SCGN: variants seen among roughly 807,000 people sequenced by gnomAD.
SCGN encodes the protein secretagogin, EF-hand calcium binding protein.
A neutral mutation model predicts 39.7 loss-of-function variants in SCGN; 30 were observed. The observed-to-expected ratio is 0.76, with a 90% CI of 0.57 to 1.03. The LOEUF is 1.03. Ranked by LOEUF, SCGN falls within the 50% of genes least tolerant of loss-of-function variation. The pLI is 0.00. For synonymous variants in SCGN, 106 were observed against 114.1 expected (o/e 0.93, Z 0.45); for missense variants, 353 against 349.4 (o/e 1.01, Z -0.08).
intron 4 of SCGN, 51 bp downstream of exon 4, chr6:25,665,083 C>T (rs756647471): frequency 1.0e-5 from 14 of 1,399,692 alleles, no homozygotes; most frequent in Middle Eastern, 1.8e-4. Context: ...GACAAGGCTA[C>T]GATCTTAGCC....
At chr6:25,686,416 T>TA (rs1759705322) in intron 7 of SCGN, among the ~76,000 whole-genome samples, 1 of 152,196 alleles carries the variant, frequency 6.6e-6, no homozygotes, top group African/African-American at 2.4e-5. Context: ...ATAATCATCC[T>TA]AGTGGGTGTG....
At chr6:25,677,535 T>C in intron 6 of SCGN, among the ~76,000 whole-genome samples, 1 of 152,148 alleles carries the variant, frequency 6.6e-6, no homozygotes, top group East Asian at 1.9e-4. Flanking sequence ...AAAGTTTTTT[T>C]AAAAAAATAA....
intron 10 of SCGN, among the ~76,000 whole-genome samples, chr6:25,699,126 C>T (rs748030853): frequency 6.6e-6 from 1 of 152,088 alleles, no homozygotes; most frequent in African/African-American, 2.4e-5. Flanking sequence ...ACCTGCGGGT[C>T]GCTGCCTTCT....
At chr6:25,680,861 A>G (rs1759628978) in intron 6 of SCGN, among the ~76,000 whole-genome samples, 2 of 152,360 alleles carry the variant, frequency 1.3e-5, no homozygotes, top group South Asian at 4.1e-4. Flanking sequence ...ATTCATTTGA[A>G]ATATTAAAAA....
rs1467378228 is a variant in SCGN at position 25,669,921 on chromosome 6, C to G, written c.394-78C>G. 1.1e-5 allele frequency: 13 copies of G among 1,150,220 alleles called. No individual in the cohort carries two copies. In the East Asian group the frequency reaches 2.8e-4, roughly 25 times the overall value. 71.3% of individuals were successfully genotyped at this position (1,150,220 alleles called of 1,614,324 possible). ...TCCTGGAAACAAGCAACTCACAATTCTTGAAATAAGGCCTTTTAAGACCTT... is the reference window on the plus strand; with the variant it reads ...TCCTGGAAACAAGCAACTCACAATTGTTGAAATAAGGCCTTTTAAGACCTT... On this transcript the variant is annotated intron_variant, in intron 5 of 10. Transcript: ENST00000377961.
intron 4 of SCGN, among the ~76,000 whole-genome samples, chr6:25,665,375 C>T (rs1561762230): frequency 6.6e-6 from 1 of 152,010 alleles, no homozygotes; most frequent in Non-Finnish European, 1.5e-5. Flanking sequence ...AGCCAATATC[C>T]CTATGTAGCT....
intron 8 of SCGN, 104 bp from the exon 9 acceptor site, chr6:25,689,369 A>G (rs897680743): frequency 2.5e-5 from 30 of 1,205,956 alleles, no homozygotes; most frequent in Non-Finnish European, 3.4e-5. Flanking sequence ...GGGATCTTAA[A>G]GGTCATTGAC....
intron 6 of SCGN, among the ~76,000 whole-genome samples, chr6:25,677,439 C>A (rs994085469): frequency 4.0e-5 from 6 of 151,894 alleles, no homozygotes; most frequent in South Asian, 4.2e-4. Flanking sequence ...AAATAATTGT[C>A]AATTGATAAT....
intron 2 of SCGN, among the ~76,000 whole-genome samples, chr6:25,657,659 A>ATATATATAATATATATATTACGTG (rs1188947335): frequency 6.7e-6 from 1 of 148,942 alleles, no homozygotes; most frequent in African/African-American, 2.4e-5. Context: ...GATTTTATAT[A>ATATATATAATATATATATTACGTG]TATATATAAT....
At chr6:25,666,755 T>G (rs1283959873) in intron 4 of SCGN, among the ~76,000 whole-genome samples, 1 of 152,220 alleles carries the variant, frequency 6.6e-6, no homozygotes, top group Non-Finnish European at 1.5e-5. Flanking sequence ...TTGTTTACCC[T>G]AAAGCCTGAA....
At position 25,669,529 on chromosome 6, in the gene SCGN, G is replaced by T. The variant is rs769675702; in HGVS notation, c.355G>T (p.Ala119Ser). The change falls in exon 5 of 11, where the codon GCT (alanine) becomes TCT (serine). Residue 119 changes from alanine (A) to serine (S), a missense_variant. Coordinates refer to ENST00000377961, the MANE Select transcript of SCGN (RefSeq NM_006998.4). ...ATTTCAGATTTGGCGCAAATATGACGCTGACAGCAGTGGCTTTATATCAGC... is the reference window on the plus strand; with the variant it reads ...ATTTCAGATTTGGCGCAAATATGACTCTGACAGCAGTGGCTTTATATCAGC... ...EFMQIWRKYD[A>S]DSSGFISAAE... 3.1e-6 allele frequency: 5 copies of T among 1,613,518 alleles called. No homozygotes were observed. Among genetic ancestry groups the T allele is most frequent in the Non-Finnish European group, 4.2e-6 (5 of 1,179,566 alleles).
At chr6:25,672,728 A>G (rs182113557) in intron 6 of SCGN, among the ~76,000 whole-genome samples, 1 of 152,316 alleles carries the variant, frequency 6.6e-6, no homozygotes, top group African/African-American at 2.4e-5. Context: ...AGAGGATGTC[A>G]AGATTTGCCC....
chr6:25,664,430 C>T (rs1448269253), intron 3 of SCGN, among the ~76,000 whole-genome samples: 1 of 152,178 alleles, frequency 6.6e-6, no homozygotes, highest in Admixed American at 6.5e-5. Flanking sequence ...AGTTCCTTAT[C>T]TCTGTATAGA....
At chr6:25,664,863 C>A in intron 3 of SCGN, 80 bp from the exon 4 acceptor site, 1 of 1,037,592 alleles carries the variant, frequency 9.6e-7, no homozygotes, top group Non-Finnish European at 1.5e-6. Context: ...GAATATGCAC[C>A]ACCATGCCTT....
intron 3 of SCGN, among the ~76,000 whole-genome samples, chr6:25,664,581 G>A (rs1476082104): frequency 6.6e-6 from 1 of 152,136 alleles, no homozygotes; most frequent in Admixed American, 6.5e-5. Context: ...TTTATTTTCT[G>A]TTATTATGGA....
intron 10 of SCGN, among the ~76,000 whole-genome samples, chr6:25,691,487 C>A (rs114093481): frequency 6.6e-6 from 1 of 152,058 alleles, no homozygotes; most frequent in Non-Finnish European, 1.5e-5. Flanking sequence ...TTGAATTTCA[C>A]GTAATAAAAC....
intron 6 of SCGN, among the ~76,000 whole-genome samples, chr6:25,676,587 G>A (rs6931627): frequency 0.51 from 77,885 of 152,018 alleles, 20,398 homozygotes; most frequent in Non-Finnish European, 0.58. Context: ...TCTCTTTCAG[G>A]TCTTTATGAA....
At chr6:25,667,193 T>C (rs1760437910) in intron 4 of SCGN, among the ~76,000 whole-genome samples, 1 of 152,184 alleles carries the variant, frequency 6.6e-6, no homozygotes. Context: ...ATTAAAATGT[T>C]AGGCCTAGTG....
chr6:25,658,752 T>C (rs1760280588), intron 2 of SCGN, among the ~76,000 whole-genome samples: 1 of 152,182 alleles, frequency 6.6e-6, no homozygotes, highest in African/African-American at 2.4e-5. Context: ...CATTAACCTC[T>C]TTCTGTTGCA....
Sources: allele counts gnomAD v4.1 joint callset (sites outside exome capture counted in the v4.1 genomes callset), GRCh38; gene constraint gnomAD v4.1.1; transcripts MANE v1.5; gene names NCBI Gene and HGNC (gene_info 2026-07-23, HGNC 2026-07-21).